The following MSH6 variants were observed in gnomAD, a reference collection of about 807,000 sequenced individuals.
MSH6 encodes the protein DNA mismatch repair protein Msh6.
In MSH6, 85 loss-of-function variants were observed where a neutral mutation model predicts 119.1. The ratio of observed to expected loss-of-function variants is 0.71; its 90% CI spans 0.60 to 0.85. MSH6 has a LOEUF of 0.85. MSH6 is among the 40% of genes least tolerant of loss of function. The pLI is 0.00. For missense variants in MSH6, 2,163 were observed against 1,655.3 expected (o/e 1.31, Z -5.32); for synonymous variants, 830 against 586.9 (o/e 1.41, Z -5.99).
intron 1 of MSH6, chr2:47,789,425 A>G (rs779937713): frequency 2.1e-6 from 1 of 470,086 alleles, no homozygotes; most frequent in Non-Finnish European, 4.4e-6. Context: ...TTTCCTAGTG[A>G]GGATGCACAT....
At position 47,798,789 on chromosome 2, in the gene MSH6, C is replaced by G. The variant is rs587779322; in HGVS notation, c.806C>G (p.Thr269Ser). The part of the protein sequence containing the change: ...GGSDVEFKPD[T>S]KEEGSSDEIS... ...TCTGATGTGGAATTTAAGCCAGACACTAAGGAGGAAGGAAGCAGTGATGAA... is the reference window on the plus strand; with the variant it reads ...TCTGATGTGGAATTTAAGCCAGACAGTAAGGAGGAAGGAAGCAGTGATGAA... Residue 269 changes from threonine (T) to serine (S), a missense_variant, in exon 4 of 10, where the codon ACT (threonine) becomes AGT (serine). Coordinates refer to ENST00000234420, the MANE Select transcript of MSH6 (RefSeq NM_000179.3). 6.2e-6 allele frequency: 10 copies of G among 1,613,886 alleles called. No homozygotes were observed. The highest frequency in any genetic ancestry group is 5.9e-6 in the Non-Finnish European group (7 of 1,180,028).
At chr2:47,801,419 A>AT (rs1241752652) in intron 4 of MSH6, 2 of 349,136 alleles carry the variant, frequency 5.7e-6, no homozygotes, top group Non-Finnish European at 9.8e-6. Flanking sequence ...CCCAGGCTAG[A>AT]ATATGGTGAC....
chr2:47,786,337 A>AT (rs111440524), intron 1 of MSH6, among the ~76,000 whole-genome samples: 1,762 of 144,090 alleles, frequency 0.012, 29 homozygotes, highest in East Asian at 0.052. Context: ...TGTTGAGCGT[A>AT]TTTTTTTTTT....
intron 3 of MSH6, among the ~76,000 whole-genome samples, chr2:47,796,601 G>T (rs975161327): frequency 3.9e-5 from 6 of 152,152 alleles, no homozygotes; most frequent in Admixed American, 1.3e-4. Flanking sequence ...CATAAGAATA[G>T]ATGTTAAATA....
chr2:47,805,748 A>G (rs771767387), intron 7 of MSH6, 41 bp downstream of exon 7: 1 of 1,333,122 alleles, frequency 7.5e-7, no homozygotes, highest in East Asian at 2.3e-5. Context: ...ATCTATCTTA[A>G]AAACATTTGT....
intron 1 of MSH6, chr2:47,783,969 G>A (rs1021529682): frequency 2.9e-6 from 3 of 1,038,306 alleles, no homozygotes; most frequent in East Asian, 5.7e-5. Flanking sequence ...CCGGTGGTGT[G>A]GGGTGCGAAA....
rs774774596 is a variant in MSH6 at position 47,800,607 on chromosome 2, T to C, written c.2624T>C (p.Met875Thr). 8.7e-6 allele frequency: 14 copies of C among 1,614,052 alleles called. No homozygotes were observed. Among genetic ancestry groups the C allele is most frequent in the African/African-American group, 2.7e-5 (2 of 74,926 alleles). Reference protein sequence around the residue: ...FKVMCKIIGIMEEVADGFKSK... With the variant: ...FKVMCKIIGITEEVADGFKSK... ...GTAATGTGTAAAATTATAGGGATCATGGAAGAAGTTGCTGATGGTTTTAAG... is the reference window on the plus strand; with the variant it reads ...GTAATGTGTAAAATTATAGGGATCACGGAAGAAGTTGCTGATGGTTTTAAG... The change falls in exon 4 of 10, where the codon ATG (methionine) becomes ACG (threonine). Residue 875 changes from methionine to threonine, a missense_variant. Met to Thr is a moderately conservative substitution (Grantham distance 81). Transcript: ENST00000234420.
rs1432010133 is a variant in MSH6, at chr2:47,806,662, AACTATAATGGAATTATAACTAACTG to A, written c.4001+14_4001+38del. 1 of 1,604,328 alleles carries A rather than the reference AACTATAATGGAATTATAACTAACTG, an allele frequency of 6.2e-7. No homozygotes were observed. Among genetic ancestry groups the A allele is most frequent in the Admixed American group, 1.7e-5 (1 of 59,872 alleles). ...ACTACGATTATTTCGGTAACTAACT[AACTATAATGGAATTATAACTAACTG>A]ACCTTAAGTTTCAAAGAAACAGTAA... On this transcript the variant is annotated intron_variant, in intron 9 of 9. Coordinates refer to ENST00000234420, the MANE Select transcript of MSH6 (RefSeq NM_000179.3).
At chr2:47,793,538 C>T (rs537848602) in intron 2 of MSH6, among the ~76,000 whole-genome samples, 25 of 151,054 alleles carry the variant, frequency 1.7e-4, no homozygotes, top group Non-Finnish European at 3.4e-4. Context: ...ACCTGGTAGG[C>T]GGAGGTTGCA....
Position 47,803,552 on chromosome 2 carries a change from CT to C in MSH6, c.3312del (p.Phe1104LeufsTer11), listed in dbSNP as rs267608092. ...TCACGCCATCCTTGCATTACGAAGA[CT>C]TTTTTTGGAGATGATTTTATTCCTA... is the stretch of plus-strand genomic sequence containing the variant. ...KGSRHPCITK[T>X]FFGDDFIPND... On this transcript the variant is annotated frameshift_variant, in exon 5 of 10. Coordinates refer to ENST00000234420, the MANE Select transcript of MSH6 (RefSeq NM_000179.3). LOFTEE classifies it high-confidence loss of function. 6.2e-7 allele frequency: 1 copy of C among 1,614,052 alleles called. No homozygotes were observed. Among genetic ancestry groups the C allele is most frequent in the Non-Finnish European group, 8.5e-7 (1 of 1,180,034 alleles).
intron 4 of MSH6, among the ~76,000 whole-genome samples, chr2:47,802,190 T>G (rs1669642922): frequency 6.6e-6 from 1 of 152,234 alleles, no homozygotes; most frequent in Non-Finnish European, 1.5e-5. Context: ...CAAAGATTCT[T>G]TCCTACAATT....
chr2:47,791,679 T>G (rs552542275), intron 2 of MSH6, among the ~76,000 whole-genome samples: 1 of 149,528 alleles, frequency 6.7e-6, no homozygotes, highest in African/African-American at 2.5e-5. Flanking sequence ...TTCTTTCTTT[T>G]TTTTTTTTTT....
chr2:47,806,948 A>AAATGACCATTTTTCCATTTTCTTTC (rs1670246946), exon 10 of MSH6: 4 of 1,026,782 alleles, frequency 3.9e-6, no homozygotes, highest in Non-Finnish European at 6.0e-6. Flanking sequence ...TATTTTTTAA[A>AAATGACCATTTTTCCATTTTCTTTC]AATGACCATT....
chr2:47,809,380 A>C, downstream of MSH6: 2 of 733,944 alleles, frequency 2.7e-6, no homozygotes, highest in Non-Finnish European at 4.4e-6. Context: ...CTTTAAATGA[A>C]GCTAACCAAT....
Position 47,806,580 on chromosome 2 carries a change from G to A in MSH6, c.3930G>A (p.Glu1310=), listed in dbSNP as rs267608129. The change falls in exon 9 of 10, where the codon GAG becomes GAA. Residue 1310 remains glutamate, a synonymous_variant. Coordinates refer to ENST00000234420, the MANE Select transcript of MSH6 (RefSeq NM_000179.3). ...FNAARLANLP[E]EVIQKGHRKA... ...CAGCAAGGCTTGCTAATCTCCCAGA[G>A]GAAGTTATTCAAAAGGGACATAGAA... is the stretch of plus-strand genomic sequence containing the variant. 1.2e-6 allele frequency: 2 copies of A among 1,613,548 alleles called. No individual in the cohort carries two copies.
In MSH6 at chr2:47,800,656, C is replaced by T. The variant is rs146006741; in HGVS notation, c.2673C>T (p.Ile891=). The T allele has an allele frequency of 2.5e-6, 4 of 1,614,170 alleles. No homozygotes were observed. The change falls in exon 4 of 10, where the codon ATC becomes ATT. Residue 891 remains isoleucine, a synonymous_variant. Coordinates refer to ENST00000234420, the MANE Select transcript of MSH6 (RefSeq NM_000179.3). ...AGTCTAAAATCCTTAAGCAGGTCAT[C>T]TCTCTGCAGACAAAAAATCCTGAAG... ...GFKSKILKQV[I]SLQTKNPEGR...
downstream of MSH6, chr2:47,809,560 A>G (rs770086772): frequency 2.2e-6 from 3 of 1,368,630 alleles, no homozygotes; most frequent in African/African-American, 2.9e-5. Context: ...CTTTCATGGC[A>G]TATTGCATAT....
intron 6 of MSH6, among the ~76,000 whole-genome samples, 154 bp downstream of exon 6, chr2:47,805,181 CTCTTT>C (rs1052538282): frequency 1.3e-5 from 2 of 148,344 alleles, no homozygotes; most frequent in African/African-American, 5.1e-5. Flanking sequence ...TAGTCTCTCT[CTCTTT>C]TTTTTTTTTT....
In MSH6 at chr2:47,795,462, A is replaced by ATTT. The variant is rs374584843; in HGVS notation, c.458-417_458-415dup. The stretch of plus-strand genomic sequence containing the variant: ...TGTGTGTGTGTGTATACATATATAC[A>ATTT]TTTTTTTTTTTTTTTTTCATCGAGA... On this transcript the variant is annotated intron_variant, in intron 2 of 9. Coordinates refer to ENST00000234420, the MANE Select transcript of MSH6 (RefSeq NM_000179.3). 5.7e-4 allele frequency among the ~76,000 whole-genome samples: 67 copies of ATTT among 117,098 alleles called. 3 individuals are homozygous for ATTT. Among genetic ancestry groups the ATTT allele is most frequent in the South Asian group, 4.0e-3 (16 of 3,960 alleles). 76.8% of individuals were successfully genotyped at this position (117,098 alleles called of 152,430 possible).
Sources: gnomAD v4.1 joint callset for allele counts (sites outside exome capture counted in the v4.1 genomes callset) on GRCh38, gnomAD v4.1.1 for gene constraint, MANE v1.5 for transcripts, NCBI Gene and HGNC (gene_info 2026-07-23, HGNC 2026-07-21) for gene names.